Variants in AS3MT observed in about 807,000 individuals in gnomAD.
AS3MT encodes S-adenosyl-L-methionine:arsenic(III) methyltransferase.
Under a neutral mutation model 45.3 loss-of-function variants are expected in AS3MT, and 47 were observed. The observed-to-expected ratio is 1.04, with a 90% CI of 0.82 to 1.32. AS3MT has a LOEUF of 1.32. Ranked by LOEUF, AS3MT falls within the 40% of genes most tolerant of loss-of-function variation. AS3MT has a pLI of 0.00. For synonymous variants in AS3MT, 141 were observed against 152.8 expected, an observed-to-expected ratio of 0.92 and a Z score of 0.57; for missense variants, 396 against 451.1, an observed-to-expected ratio of 0.88 and a Z score of 1.11.
At chr10:102,873,274 C>CTTTATT (rs748763153) in intron 5 of AS3MT, 41 bp downstream of exon 5, 2 of 1,363,446 alleles carry the variant, frequency 1.5e-6, no homozygotes, top group Admixed American at 2.7e-5. Context: ...AGCCCATTTT[C>CTTTATT]TTTATTATTA....
intron 10 of AS3MT, among the ~76,000 whole-genome samples, chr10:102,898,710 G>T (rs1845221976): frequency 6.6e-6 from 1 of 152,182 alleles, no homozygotes; most frequent in Non-Finnish European, 1.5e-5. Context: ...TAATATAGAG[G>T]AATTAACTTT....
At chr10:102,895,566 A>ATAAT (rs1339442563) in intron 10 of AS3MT, among the ~76,000 whole-genome samples, 6 of 152,164 alleles carry the variant, frequency 3.9e-5, no homozygotes, top group Non-Finnish European at 5.9e-5. Context: ...ACGTAAACTA[A>ATAAT]TAATTATTTT....
rs773965312 is a variant in AS3MT at position 102,878,912 on chromosome 10, A to C, written c.806A>C (p.Lys269Thr). The change falls in exon 9 of 11, where the codon AAG (lysine) becomes ACG (threonine). Residue 269 changes from lysine (K) to threonine (T), a missense_variant. Coordinates refer to ENST00000369880, the MANE Select transcript of AS3MT (RefSeq NM_020682.4). ...LFKHSKTGPT[K>T]RCQVIYNGGI... Reference sequence around the variant, plus strand: ...AAACACTCTAAGACAGGACCAACCAAGAGATGCCAAGTTATTTACAATGGA... The same window carrying C: ...AAACACTCTAAGACAGGACCAACCACGAGATGCCAAGTTATTTACAATGGA... 2 of 1,613,642 alleles carry C rather than the reference A, an allele frequency of 1.2e-6. No homozygotes were observed. Among genetic ancestry groups the C allele is most frequent in the East Asian group, 2.2e-5 (1 of 44,880 alleles).
chr10:102,899,156 TA>T (rs1408717092), intron 10 of AS3MT, among the ~76,000 whole-genome samples: 1 of 152,136 alleles, frequency 6.6e-6, no homozygotes, highest in African/African-American at 2.4e-5. Flanking sequence ...CACGCCCAAC[TA>T]ATTTTTATAT....
Position 102,870,156 on chromosome 10 carries a change from G to A in AS3MT, c.115G>A (p.Val39Ile). ...TNGCVTTARP[V>I]PKHIREALQN... Reference sequence around the variant, plus strand: ...CGGCTGTGTCACCACAGCCAGGCCGGTCCCCAAGCACATCCGGGAAGCCTT... The same window carrying A: ...CGGCTGTGTCACCACAGCCAGGCCGATCCCCAAGCACATCCGGGAAGCCTT... The change falls in exon 3 of 11, where the codon GTC (valine) becomes ATC (isoleucine). Residue 39 changes from valine (V) to isoleucine (I), a missense_variant. Physicochemically the swap from Val to Ile is conservative, Grantham distance 29. Coordinates refer to ENST00000369880, the MANE Select transcript of AS3MT (RefSeq NM_020682.4). 1.2e-6 allele frequency: 2 copies of A among 1,614,194 alleles called. No individual in the cohort carries two copies. Among genetic ancestry groups the A allele is most frequent in the East Asian group, 2.2e-5 (1 of 44,876 alleles).
At chr10:102,895,528 A>G (rs1399005489) in intron 10 of AS3MT, among the ~76,000 whole-genome samples, 1 of 152,042 alleles carries the variant, frequency 6.6e-6, no homozygotes, top group East Asian at 1.9e-4. Flanking sequence ...TCACAAAATT[A>G]TGTCTTTATT....
Sources: gnomAD v4.1 joint callset for allele counts (sites outside exome capture counted in the v4.1 genomes callset) on GRCh38, gnomAD v4.1.1 for gene constraint, MANE v1.5 for transcripts, NCBI Gene and HGNC (gene_info 2026-07-23, HGNC 2026-07-21) for gene names.